DLC1: variants seen among roughly 807,000 people sequenced by gnomAD.
The protein encoded by DLC1 is rho GTPase-activating protein 7.
A neutral mutation model predicts 140.3 loss-of-function variants in DLC1; 54 were observed. The observed-to-expected ratio is 0.38, with a 90% CI of 0.31 to 0.48. The LOEUF (loss-of-function observed/expected upper bound fraction) is 0.48, where lower values mean the gene tolerates loss of function less well. Among genes scored for constraint, DLC1 ranks in the 20% least tolerant of loss-of-function variants. The pLI, the probability that DLC1 is intolerant of heterozygous loss-of-function variation, is 0.96. For synonymous variants in DLC1, 986 were observed against 728.1 expected, an observed-to-expected ratio of 1.35 and a Z score of -5.70; for missense variants, 2,536 against 1,907.0, an observed-to-expected ratio of 1.33 and a Z score of -6.14.
At chr8:13,406,000 A>C (rs1217650938) in intron 2 of DLC1, among the ~76,000 whole-genome samples, 95 of 33,360 alleles carry the variant, frequency 2.8e-3, no homozygotes, top group African/African-American at 0.011. Flanking sequence ...CTCTTTCTTT[A>C]TTCTTCTTCT....
chr8:13,259,131 C>T (rs142546815), intron 5 of DLC1, among the ~76,000 whole-genome samples: 3 of 106,550 alleles, frequency 2.8e-5, no homozygotes, highest in African/African-American at 7.4e-5. Flanking sequence ...AGTGAAACTC[C>T]GTCTCAAGAA....
intron 5 of DLC1, among the ~76,000 whole-genome samples, chr8:13,251,225 C>G (rs756483805): frequency 6.6e-6 from 1 of 152,174 alleles, no homozygotes; most frequent in Admixed American, 6.5e-5. Context: ...CACTTACCTC[C>G]TTATACCTTC....
At chr8:13,369,322 T>C (rs973237290) in intron 4 of DLC1, among the ~76,000 whole-genome samples, 71 of 143,384 alleles carry the variant, frequency 5.0e-4, no homozygotes, top group Admixed American at 1.2e-3. Context: ...CCTCCTTTCA[T>C]AGTCTCGCAC....
chr8:13,487,909 T>C (rs1801044943), intron 2 of DLC1, among the ~76,000 whole-genome samples: 1 of 152,208 alleles, frequency 6.6e-6, no homozygotes, highest in South Asian at 2.1e-4. Flanking sequence ...AGGCGATCAT[T>C]GATATTTTAC....
At chr8:13,271,869 G>A (rs771451385) in intron 5 of DLC1, among the ~76,000 whole-genome samples, 3 of 152,150 alleles carry the variant, frequency 2.0e-5, no homozygotes, top group Admixed American at 2.0e-4. Context: ...GAGAGACAAG[G>A]TCTTGCTCTG....
Position 13,499,646 on chromosome 8 carries a change from T to G in DLC1, c.426A>C (p.Gln142His). The G allele has an allele frequency of 6.2e-7, 1 of 1,614,210 alleles. No homozygotes were observed. The highest frequency in any genetic ancestry group is 1.1e-5 in the South Asian group (1 of 91,090). ...GTGCCTTTTCTAAGGAGCCTGCTCC[T>G]TGGATCATATGTTGGCCTGATGTTT... ...GQKTSGQHMI[Q>H]GAGSLEKALP... Residue 142 changes from glutamine (Q) to histidine (H), a missense_variant, in exon 2 of 18, where the codon CAA (glutamine) becomes CAC (histidine). Physicochemically the swap from Gln to His is conservative, Grantham distance 24. Coordinates refer to ENST00000276297, the MANE Select transcript of DLC1 (RefSeq NM_182643.3).
chr8:13,506,581 G>GTGTGTGTATATATTTATATATA (rs1246764417), intron 1 of DLC1, among the ~76,000 whole-genome samples: 1 of 131,142 alleles, frequency 7.6e-6, no homozygotes, highest in African/African-American at 3.2e-5. Flanking sequence ...GTGTGTGTGT[G>GTGTGTGTATATATTTATATATA]TATATATATA....
rs201006364 is a variant in DLC1, at chr8:13,099,811, G to C, written c.2526C>G (p.Ser842Arg). 1 of 1,614,176 alleles carries C rather than the reference G, an allele frequency of 6.2e-7. No homozygotes were observed. Among genetic ancestry groups the C allele is most frequent in the Admixed American group, 1.7e-5 (1 of 60,026 alleles). ...GGCTGATGTGGCCAGGGCCGTGGAAGCTTCCCGTCCTCCAGTTCACAGAGC... is the reference window on the plus strand; with the variant it reads ...GGCTGATGTGGCCAGGGCCGTGGAACCTTCCCGTCCTCCAGTTCACAGAGC... Reference protein sequence around the residue: ...NNGSVNWRTGSFHGPGHISLR... With the variant: ...NNGSVNWRTGRFHGPGHISLR... Residue 842 changes from serine to arginine, a missense_variant, in exon 9 of 18, where the codon AGC (serine) becomes AGG (arginine). Transcript: ENST00000276297.
chr8:13,219,153 AT>A (rs1484422360), intron 5 of DLC1, among the ~76,000 whole-genome samples: 1 of 57,144 alleles, frequency 1.7e-5, no homozygotes, highest in Non-Finnish European at 3.4e-5. Flanking sequence ...TAATTATATA[AT>A]TATATGAATA....
At chr8:13,352,363 T>G (rs1336278465) in intron 4 of DLC1, among the ~76,000 whole-genome samples, 1 of 152,178 alleles carries the variant, frequency 6.6e-6, no homozygotes, top group Non-Finnish European at 1.5e-5. Context: ...ATTATTTTAT[T>G]TTGTATTTTT....
chr8:13,300,119 C>A (rs901928169), intron 5 of DLC1, among the ~76,000 whole-genome samples: 1 of 152,130 alleles, frequency 6.6e-6, no homozygotes, highest in Non-Finnish European at 1.5e-5. Context: ...GGAAGGAGAT[C>A]ACGTTCTTTG....
At chr8:13,577,127 G>A (rs1051576398) in intron 1 of DLC1, among the ~76,000 whole-genome samples, 2 of 152,144 alleles carry the variant, frequency 1.3e-5, no homozygotes, top group African/African-American at 4.8e-5. Context: ...TTTAAGAACA[G>A]TCCAAACTGG....
Position 13,092,794 on chromosome 8 carries a change from G to C in DLC1, c.3558C>G (p.Ile1186Met). Residue 1186 changes from isoleucine to methionine, a missense_variant, in exon 13 of 18, where the codon ATC (isoleucine) becomes ATG (methionine). By Grantham distance (10) the Ile-to-Met change is conservative. Coordinates refer to ENST00000276297, the MANE Select transcript of DLC1 (RefSeq NM_182643.3). The stretch of plus-strand genomic sequence containing the variant: ...CAGGCAGCAGCATGATGGCAGCCTT[G>C]ATGGCCTGCAGGCGCTGGTCCTTGG... ...YVPKDQRLQA[I>M]KAAIMLLPDE... 1 of 1,613,998 alleles carries C rather than the reference G, an allele frequency of 6.2e-7. No homozygotes were observed. The highest frequency in any genetic ancestry group is 2.2e-5 in the East Asian group (1 of 44,882).
intron 5 of DLC1, among the ~76,000 whole-genome samples, chr8:13,285,968 G>C (rs926627895): frequency 5.9e-5 from 9 of 152,040 alleles, no homozygotes; most frequent in Non-Finnish European, 5.9e-5. Flanking sequence ...TTTTAGATGT[G>C]ATGATGAAAA....
At chr8:13,156,422 A>G (rs1484799593) in intron 5 of DLC1, among the ~76,000 whole-genome samples, 1 of 152,200 alleles carries the variant, frequency 6.6e-6, no homozygotes, top group African/African-American at 2.4e-5. Context: ...TGCTTTTTAT[A>G]TATTAGCTCT....
At chr8:13,291,890 G>A (rs539228006) in intron 5 of DLC1, among the ~76,000 whole-genome samples, 5 of 152,136 alleles carry the variant, frequency 3.3e-5, no homozygotes, top group Middle Eastern at 3.4e-3. Flanking sequence ...ACGAAGCAAA[G>A]GTTTTCCAGA....
chr8:13,272,060 G>T (rs1830954623), intron 5 of DLC1, among the ~76,000 whole-genome samples: 1 of 152,192 alleles, frequency 6.6e-6, no homozygotes, highest in South Asian at 2.1e-4. Flanking sequence ...TATATGTCAT[G>T]TTCTCCAAAT....
intron 16 of DLC1, among the ~76,000 whole-genome samples, chr8:13,087,705 C>A (rs1210339338): frequency 2.0e-5 from 3 of 152,154 alleles, no homozygotes; most frequent in South Asian, 2.1e-4. Flanking sequence ...AACACAGACA[C>A]CTAAAGGAGC....
At chr8:13,404,880 C>T (rs1228208957) in intron 2 of DLC1, among the ~76,000 whole-genome samples, 1 of 151,960 alleles carries the variant, frequency 6.6e-6, no homozygotes, top group Non-Finnish European at 1.5e-5. Context: ...GTACTGGGCA[C>T]CTGTAATCCT....
Sources: allele counts gnomAD v4.1 joint callset (sites outside exome capture counted in the v4.1 genomes callset), GRCh38; gene constraint gnomAD v4.1.1; transcripts MANE v1.5; gene names NCBI Gene and HGNC (gene_info 2026-07-23, HGNC 2026-07-21).